The following PLCB1 variants were observed in gnomAD, a reference collection of about 807,000 sequenced individuals.
The protein encoded by PLCB1 is 1-phosphatidylinositol 4,5-bisphosphate phosphodiesterase beta-1.
In PLCB1, 46 loss-of-function variants were observed where a neutral mutation model predicts 161.8. That is an observed-to-expected ratio of 0.28 (90% confidence interval 0.22 to 0.36). PLCB1 has a LOEUF of 0.36. Ranked by LOEUF, PLCB1 falls within the 10% of genes least tolerant of loss-of-function variation. The pLI is 1.00. For missense variants in PLCB1, 1,016 were observed against 1,472.5 expected (o/e 0.69, Z 5.07); for synonymous variants, 517 against 503.7 (o/e 1.03, Z -0.35).
At chr20:8,319,275 G>A (rs1266664085) in intron 2 of PLCB1, among the ~76,000 whole-genome samples, 1 of 152,102 alleles carries the variant, frequency 6.6e-6, no homozygotes, top group Non-Finnish European at 1.5e-5. Flanking sequence ...TCATGTATCT[G>A]TAGGTTGGAA....
At chr20:8,473,294 G>GA (rs3215508) in intron 3 of PLCB1, among the ~76,000 whole-genome samples, 4 of 151,244 alleles carry the variant, frequency 2.6e-5, no homozygotes, top group South Asian at 2.1e-4. Context: ...ATCTCCAAAG[G>GA]AAAAAAAAAT....
chr20:8,171,307 T>A (rs900884483), intron 2 of PLCB1, among the ~76,000 whole-genome samples: 46 of 152,252 alleles, frequency 3.0e-4, no homozygotes, highest in African/African-American at 1.0e-3. Flanking sequence ...CAAATATAAA[T>A]GTTGCCTAAG....
At chr20:8,857,275 T>C (rs555984965) in intron 31 of PLCB1, among the ~76,000 whole-genome samples, 1 of 152,200 alleles carries the variant, frequency 6.6e-6, no homozygotes, top group Non-Finnish European at 1.5e-5. Flanking sequence ...GAGTGAAGAA[T>C]GGTGGGTTTT....
At chr20:8,775,515 T>C (rs1368148449) in intron 27 of PLCB1, among the ~76,000 whole-genome samples, 1 of 152,174 alleles carries the variant, frequency 6.6e-6, no homozygotes, top group African/African-American at 2.4e-5. Flanking sequence ...GGTCTGTGCA[T>C]ATAAGAGAAT....
At chr20:8,774,201 C>G (rs1555789574) in intron 26 of PLCB1, among the ~76,000 whole-genome samples, 1 of 152,060 alleles carries the variant, frequency 6.6e-6, no homozygotes, top group Non-Finnish European at 1.5e-5. Context: ...TTTAAAATAA[C>G]AAAAAAGATT....
chr20:8,737,645 A>G (rs1223148430), intron 20 of PLCB1, among the ~76,000 whole-genome samples: 1 of 152,184 alleles, frequency 6.6e-6, no homozygotes, highest in Non-Finnish European at 1.5e-5. Flanking sequence ...TCTATCTAAT[A>G]AAGTTGAAAC....
intron 3 of PLCB1, among the ~76,000 whole-genome samples, chr20:8,440,987 A>G (rs552311696): frequency 6.6e-6 from 1 of 152,224 alleles, no homozygotes; most frequent in South Asian, 2.1e-4. Flanking sequence ...CAGCCTCACC[A>G]TTTTACAGCA....
At chr20:8,656,567 A>G (rs1260408657) in intron 7 of PLCB1, among the ~76,000 whole-genome samples, 1 of 152,066 alleles carries the variant, frequency 6.6e-6, no homozygotes, top group Non-Finnish European at 1.5e-5. Context: ...CTTTTATATC[A>G]ATGACTTGCT....
chr20:8,795,258 A>G (rs1485573798), intron 31 of PLCB1, among the ~76,000 whole-genome samples: 1 of 152,128 alleles, frequency 6.6e-6, no homozygotes, highest in African/African-American at 2.4e-5. Context: ...TAGTTTATTC[A>G]TTTTGTAGGT....
At chr20:8,773,666 C>G (rs1982803109) in intron 26 of PLCB1, among the ~76,000 whole-genome samples, 1 of 152,108 alleles carries the variant, frequency 6.6e-6, no homozygotes, top group African/African-American at 2.4e-5. Flanking sequence ...CATTGTGTGT[C>G]TTTGCTGTTA....
intron 3 of PLCB1, among the ~76,000 whole-genome samples, chr20:8,384,386 T>A (rs998866216): frequency 3.9e-5 from 6 of 152,022 alleles, no homozygotes; most frequent in African/African-American, 1.2e-4. Flanking sequence ...TCATTTATGT[T>A]CCTCTCTAAA....
At chr20:8,417,411 A>G (rs1979349827) in intron 3 of PLCB1, among the ~76,000 whole-genome samples, 2 of 151,090 alleles carry the variant, frequency 1.3e-5, no homozygotes, top group African/African-American at 4.9e-5. Context: ...ATCAAATTTG[A>G]TCTTAGCACT....
At chr20:8,775,518 A>G (rs903904695) in intron 27 of PLCB1, among the ~76,000 whole-genome samples, 2 of 152,198 alleles carry the variant, frequency 1.3e-5, no homozygotes, top group African/African-American at 4.8e-5. Context: ...CTGTGCATAT[A>G]AGAGAATTCT....
At chr20:8,238,930 G>A (rs1185231496) in intron 2 of PLCB1, among the ~76,000 whole-genome samples, 1 of 151,826 alleles carries the variant, frequency 6.6e-6, no homozygotes, top group Non-Finnish European at 1.5e-5. Flanking sequence ...GAAGACTATG[G>A]ACTTAAGAGT....
chr20:8,265,522 TATTTC>T (rs754045044), intron 2 of PLCB1, among the ~76,000 whole-genome samples: 105 of 150,940 alleles, frequency 7.0e-4, no homozygotes, highest in Non-Finnish European at 1.4e-3. Flanking sequence ...GCATTTTTGT[TATTTC>T]ATTTATGCTT....
chr20:8,601,004 A>T (rs377170385), intron 3 of PLCB1, among the ~76,000 whole-genome samples: 1 of 151,894 alleles, frequency 6.6e-6, no homozygotes, highest in Non-Finnish European at 1.5e-5. Flanking sequence ...ACTGTCTGGC[A>T]CTCCCTAGTG....
At chr20:8,210,875 A>G (rs1978785680) in intron 2 of PLCB1, among the ~76,000 whole-genome samples, 3 of 152,132 alleles carry the variant, frequency 2.0e-5, no homozygotes, top group Admixed American at 2.0e-4. Flanking sequence ...ATTGAGATAG[A>G]AGAGGCACAA....
intron 2 of PLCB1, among the ~76,000 whole-genome samples, chr20:8,176,548 A>G (rs2051785879): frequency 6.6e-6 from 1 of 152,198 alleles, no homozygotes; most frequent in Non-Finnish European, 1.5e-5. Flanking sequence ...TGTGGTGACG[A>G]TACTGTTCTA....
intron 3 of PLCB1, among the ~76,000 whole-genome samples, chr20:8,432,065 T>C (rs1041041782): frequency 1.3e-5 from 2 of 152,076 alleles, no homozygotes; most frequent in African/African-American, 4.8e-5. Flanking sequence ...CTCTCTAATA[T>C]CTCTGTTGTG....
Sources: gnomAD v4.1 joint callset for allele counts (sites outside exome capture counted in the v4.1 genomes callset) on GRCh38, gnomAD v4.1.1 for gene constraint, MANE v1.5 for transcripts, NCBI Gene and HGNC (gene_info 2026-07-23, HGNC 2026-07-21) for gene names.